Variants in MALRD1 observed in about 807,000 individuals in gnomAD.
MALRD1 encodes MAM and LDL receptor class A domain containing 1.
Under a neutral mutation model 242.1 loss-of-function variants are expected in MALRD1, and 247 were observed. The observed-to-expected ratio is 1.02, with a 90% confidence interval of 0.92 to 1.13. The LOEUF (loss-of-function observed/expected upper bound fraction) is 1.13, where lower values mean the gene tolerates loss of function less well. Ranked by LOEUF, MALRD1 falls within the 50% of genes most tolerant of loss-of-function variation. The pLI is 0.00. For missense variants in MALRD1, 2,989 were observed against 2,533.1 expected, an observed-to-expected ratio of 1.18 and a Z score of -3.86; for synonymous variants, 995 against 866.6, an observed-to-expected ratio of 1.15 and a Z score of -2.60.
chr10:19,221,475 C>G (rs76486371), intron 18 of MALRD1, among the ~76,000 whole-genome samples: 2 of 152,112 alleles, frequency 1.3e-5, no homozygotes, highest in African/African-American at 4.8e-5. Flanking sequence ...TCTCACTTCA[C>G]AATCTTAGAT....
At chr10:19,695,792 G>C (rs1685423356) in intron 38 of MALRD1, among the ~76,000 whole-genome samples, 1 of 152,102 alleles carries the variant, frequency 6.6e-6, no homozygotes, top group Admixed American at 6.6e-5. Context: ...CCAAAGTGCT[G>C]GGATTACAGG....
chr10:19,534,912 A>G (rs1225685420), intron 32 of MALRD1, among the ~76,000 whole-genome samples: 1 of 149,882 alleles, frequency 6.7e-6, no homozygotes, highest in Non-Finnish European at 1.5e-5. Context: ...TTTGAGATGA[A>G]GTCTCGCTCT....
rs556689373 is a variant in MALRD1 at position 19,405,722 on chromosome 10, A to G, written c.4845+16113A>G. Among the ~76,000 whole-genome samples, 238 of 152,318 alleles carry G rather than the reference A, an allele frequency of 1.6e-3. 1 individual carries two copies. Among genetic ancestry groups the G allele is most frequent in the African/African-American group, 5.5e-3 (227 of 41,580 alleles). On this transcript the variant is annotated intron_variant, in intron 28 of 39. Coordinates refer to ENST00000454679, the MANE Select transcript of MALRD1 (RefSeq NM_001142308.3). ...TCACACATAGATTCTCTCCATACAC[A>G]TATCCTAGTTCCTAGACTCATTCCT...
rs533671468 is a variant in MALRD1 at position 19,538,496 on chromosome 10, T to G, written c.5478+7145T>G. ...CTTTAAAATGATGGTGGTCACTTTT[T>G]GATCCATACTGCCAAAAGAGCCCTA... On this transcript the variant is annotated intron_variant, in intron 32 of 39. Transcript: ENST00000454679. 4.7e-3 allele frequency among the ~76,000 whole-genome samples: 722 copies of G among 152,322 alleles called. 3 individuals are homozygous for G. The highest frequency in any genetic ancestry group is 8.3e-3 in the Non-Finnish European group (564 of 68,014).
intron 21 of MALRD1, among the ~76,000 whole-genome samples, chr10:19,283,882 A>G (rs1840955196): frequency 6.6e-6 from 1 of 152,232 alleles, no homozygotes; most frequent in African/African-American, 2.4e-5. Flanking sequence ...TGCGGTAGGC[A>G]CTAGAAATAA....
chr10:19,159,569 C>T (rs550180453), intron 12 of MALRD1, among the ~76,000 whole-genome samples: 4 of 151,580 alleles, frequency 2.6e-5, no homozygotes, highest in Non-Finnish European at 5.9e-5. Flanking sequence ...AGAACGAAGT[C>T]CACAGGGAAG....
At chr10:19,113,062 C>G (rs1038559329) in intron 5 of MALRD1, among the ~76,000 whole-genome samples, 1 of 151,888 alleles carries the variant, frequency 6.6e-6, no homozygotes, top group African/African-American at 2.4e-5. Flanking sequence ...CCAACCCTGA[C>G]TTTGTTCCAG....
rs1289465723 is a variant in MALRD1 at position 19,205,268 on chromosome 10, A to G, written c.2578+3A>G. ...TCGTACTGATGAAGTCAACTGTGGT[A>G]AGTTCTTTTTGGTTGGGGGATTCTC... is the stretch of plus-strand genomic sequence containing the variant. On this transcript the variant is annotated splice_donor_region_variant and intron_variant, in intron 17 of 39. Coordinates refer to ENST00000454679, the MANE Select transcript of MALRD1 (RefSeq NM_001142308.3). 1.3e-6 allele frequency: 2 copies of G among 1,535,230 alleles called. No homozygotes were observed. The highest frequency in any genetic ancestry group is 1.7e-4 in the Middle Eastern group (1 of 5,910).
At chr10:19,416,406 A>C (rs1833514749) in intron 28 of MALRD1, among the ~76,000 whole-genome samples, 1 of 152,176 alleles carries the variant, frequency 6.6e-6, no homozygotes, top group Non-Finnish European at 1.5e-5. Flanking sequence ...AGAGGCAGAG[A>C]TTAAGGTCCA....
At chr10:19,697,163 G>C (rs971800602) in intron 38 of MALRD1, among the ~76,000 whole-genome samples, 1 of 152,134 alleles carries the variant, frequency 6.6e-6, no homozygotes, top group African/African-American at 2.4e-5. Flanking sequence ...GAGAAAGAGA[G>C]AGAGAGATTT....
intron 12 of MALRD1, among the ~76,000 whole-genome samples, chr10:19,158,968 G>T (rs1180497114): frequency 2.0e-5 from 3 of 152,178 alleles, no homozygotes; most frequent in African/African-American, 7.2e-5. Flanking sequence ...TGGTCATTGT[G>T]TTTAATCCAA....
chr10:19,483,650 G>A (rs1178147511), intron 29 of MALRD1, among the ~76,000 whole-genome samples: 3 of 152,098 alleles, frequency 2.0e-5, no homozygotes, highest in African/African-American at 7.2e-5. Context: ...AACAGATGCT[G>A]GTGAGGTAAT....
At chr10:19,354,740 G>A (rs1404366804) in intron 26 of MALRD1, among the ~76,000 whole-genome samples, 1 of 152,008 alleles carries the variant, frequency 6.6e-6, no homozygotes, top group Non-Finnish European at 1.5e-5. Flanking sequence ...ATAACTAGAG[G>A]AATGAATTTG....
chr10:19,623,143 T>C (rs1839479569), intron 36 of MALRD1, among the ~76,000 whole-genome samples: 1 of 151,984 alleles, frequency 6.6e-6, no homozygotes, highest in South Asian at 2.1e-4. Flanking sequence ...ACAGATAAAG[T>C]TAATTACATA....
At chr10:19,468,326 C>G (rs182519489) in intron 29 of MALRD1, among the ~76,000 whole-genome samples, 211 of 151,696 alleles carry the variant, frequency 1.4e-3, no homozygotes, top group African/African-American at 4.5e-3. Flanking sequence ...TAAGCATAGT[C>G]CATAATATTA....
chr10:19,190,265 A>G (rs1835914210), intron 14 of MALRD1, among the ~76,000 whole-genome samples: 1 of 152,006 alleles, frequency 6.6e-6, no homozygotes, highest in Non-Finnish European at 1.5e-5. Flanking sequence ...AGACTTGTAC[A>G]ATAAAAAATA....
chr10:19,464,024 A>G (rs546202833), intron 29 of MALRD1, among the ~76,000 whole-genome samples: 1 of 152,198 alleles, frequency 6.6e-6, no homozygotes, highest in African/African-American at 2.4e-5. Flanking sequence ...TCTTTGGACA[A>G]TTGTCTGTTT....
At chr10:19,582,593 G>A (rs915724418) in intron 33 of MALRD1, among the ~76,000 whole-genome samples, 13 of 138,094 alleles carry the variant, frequency 9.4e-5, no homozygotes, top group African/African-American at 3.1e-4. Context: ...TCTCTGTTTT[G>A]GTACCAGTAC....
chr10:19,249,644 G>A (rs1266824932), intron 18 of MALRD1, among the ~76,000 whole-genome samples: 1 of 151,912 alleles, frequency 6.6e-6, no homozygotes, highest in Non-Finnish European at 1.5e-5. Context: ...AACATTAAAT[G>A]CACAAATACT....
Sources: gnomAD v4.1 joint callset for allele counts (sites outside exome capture counted in the v4.1 genomes callset) on GRCh38, gnomAD v4.1.1 for gene constraint, MANE v1.5 for transcripts, NCBI Gene and HGNC (gene_info 2026-07-23, HGNC 2026-07-21) for gene names.